Variants in KCNN2 observed in about 807,000 individuals in gnomAD.
The protein encoded by KCNN2 is potassium calcium-activated channel subfamily N member 2.
A neutral mutation model predicts 55.5 loss-of-function variants in KCNN2; 24 were observed. The ratio of observed to expected loss-of-function variants is 0.43; its 90% CI spans 0.31 to 0.61. The LOEUF is 0.61. KCNN2 is among the 20% of genes least tolerant of loss of function. The pLI, the probability that KCNN2 is intolerant of heterozygous loss-of-function variation, is 0.08. For synonymous variants in KCNN2, 431 were observed against 336.1 expected (o/e 1.28, Z -3.09); for missense variants, 754 against 853.6 (o/e 0.88, Z 1.45).
intron 2 of KCNN2, among the ~76,000 whole-genome samples, chr5:114,281,212 A>G (rs1454475466): frequency 1.3e-5 from 2 of 152,184 alleles, no homozygotes; most frequent in African/African-American, 4.8e-5. Context: ...TGTTTCTGCC[A>G]TTAAAATGTG....
intron 2 of KCNN2, among the ~76,000 whole-genome samples, chr5:114,333,367 TG>T (rs1305813834): frequency 2.0e-5 from 3 of 152,226 alleles, no homozygotes; most frequent in Admixed American, 2.0e-4. Flanking sequence ...CATTCTGCCG[TG>T]TTCTCTCTTA....
chr5:114,233,923 T>C (rs1174095189), intron 2 of KCNN2, among the ~76,000 whole-genome samples: 1 of 152,166 alleles, frequency 6.6e-6, no homozygotes, highest in Non-Finnish European at 1.5e-5. Context: ...AGTTCTGAGA[T>C]GACACTTGAG....
chr5:114,349,726 T>C (rs1172133675), intron 2 of KCNN2, among the ~76,000 whole-genome samples: 1 of 152,016 alleles, frequency 6.6e-6, no homozygotes, highest in Non-Finnish European at 1.5e-5. Context: ...CATGTAAAAG[T>C]TTTTGTATGG....
chr5:114,219,137 C>T (rs886944722), intron 1 of KCNN2, among the ~76,000 whole-genome samples: 5 of 152,226 alleles, frequency 3.3e-5, no homozygotes, highest in Non-Finnish European at 1.5e-5. Context: ...CCTGCAGCAG[C>T]ATCCAGGCAG....
rs111935471 is a variant in KCNN2 at position 114,212,551 on chromosome 5, A to T, written c.-270-8929A>T. On this transcript the variant is annotated intron_variant, in intron 1 of 10. Coordinates refer to the KCNN2 transcript ENST00000512097. The stretch of plus-strand genomic sequence containing the variant: ...TTATATATCAATAAAGCTGTTATAA[A>T]AAGTTTTTAATAAAAAGAAAATATG... Among the ~76,000 whole-genome samples the T allele has an allele frequency of 5.4e-3, 818 of 152,194 alleles. 5 individuals carry two copies. Among genetic ancestry groups the T allele is most frequent in the African/African-American group, 0.019 (775 of 41,556 alleles).
intron 3 of KCNN2, among the ~76,000 whole-genome samples, chr5:114,416,151 G>T (rs1288001851): frequency 3.3e-5 from 5 of 152,202 alleles, no homozygotes; most frequent in Non-Finnish European, 7.4e-5. Flanking sequence ...GCGTTGCTTT[G>T]ATGGTTGTAG....
chr5:114,111,663 C>T (rs1751600634), intron 1 of KCNN2, among the ~76,000 whole-genome samples: 1 of 152,070 alleles, frequency 6.6e-6, no homozygotes, highest in Admixed American at 6.5e-5. Flanking sequence ...AAAAAGTGGG[C>T]AAAGGATATG....
intron 1 of KCNN2, among the ~76,000 whole-genome samples, chr5:114,090,145 C>T (rs771418354): frequency 2.6e-5 from 4 of 152,054 alleles, no homozygotes; most frequent in Admixed American, 6.6e-5. Flanking sequence ...CAAAGGCAAT[C>T]GTATGGATTT....
At chr5:114,093,219 C>G (rs1005313149) in intron 1 of KCNN2, among the ~76,000 whole-genome samples, 1 of 152,230 alleles carries the variant, frequency 6.6e-6, no homozygotes, top group African/African-American at 2.4e-5. Context: ...CCACCAGTCT[C>G]TTTACTAAAG....
intron 1 of KCNN2, among the ~76,000 whole-genome samples, chr5:114,163,302 C>T (rs932356518): frequency 6.6e-6 from 1 of 152,116 alleles, no homozygotes; most frequent in African/African-American, 2.4e-5. Context: ...TGCCTGATTG[C>T]CCTGGCCGGA....
intron 3 of KCNN2, among the ~76,000 whole-genome samples, chr5:114,425,201 C>T (rs1355073915): frequency 6.6e-6 from 1 of 152,202 alleles, no homozygotes; most frequent in Non-Finnish European, 1.5e-5. Flanking sequence ...GCTTAACTAT[C>T]ATGCTTTTAA....
intron 2 of KCNN2, among the ~76,000 whole-genome samples, chr5:114,276,604 G>C (rs997506651): frequency 6.7e-6 from 1 of 149,896 alleles, no homozygotes; most frequent in East Asian, 1.9e-4. Context: ...TGTCTCTTTC[G>C]ATCTTTGTTG....
intron 2 of KCNN2, among the ~76,000 whole-genome samples, chr5:114,339,344 T>TGG (rs1401396581): frequency 6.6e-6 from 1 of 152,192 alleles, no homozygotes; most frequent in Non-Finnish European, 1.5e-5. Flanking sequence ...TTTCAGTTTC[T>TGG]CATGGTTCTG....
chr5:114,430,603 T>C (rs909058299), intron 3 of KCNN2, among the ~76,000 whole-genome samples: 1 of 152,120 alleles, frequency 6.6e-6, no homozygotes, highest in African/African-American at 2.4e-5. Context: ...TTGTCTTTAT[T>C]AGCTAGAACT....
chr5:114,431,888 C>T, intron 3 of KCNN2, among the ~76,000 whole-genome samples: 1 of 151,960 alleles, frequency 6.6e-6, no homozygotes, highest in East Asian at 1.9e-4. Context: ...TGAGATTTTC[C>T]AGTTATCTTT....
chr5:114,314,844 T>C (rs1230943000), intron 2 of KCNN2, among the ~76,000 whole-genome samples: 2 of 152,114 alleles, frequency 1.3e-5, no homozygotes, highest in African/African-American at 4.8e-5. Context: ...AAACAATAAA[T>C]TGCTACATGG....
chr5:114,398,099 T>G (rs1348476981), intron 2 of KCNN2, among the ~76,000 whole-genome samples: 1 of 152,242 alleles, frequency 6.6e-6, no homozygotes, highest in Non-Finnish European at 1.5e-5. Flanking sequence ...ATGAAATCTT[T>G]TCTAGGTCGT....
chr5:114,404,401 G>T (rs751482379), intron 2 of KCNN2, 37 bp from the exon 3 acceptor site: 3 of 1,561,674 alleles, frequency 1.9e-6, no homozygotes, highest in Non-Finnish European at 2.6e-6. Flanking sequence ...GACCATTCAT[G>T]CCATACTGAA....
chr5:114,072,293 A>G (rs1404077760), intron 1 of KCNN2, among the ~76,000 whole-genome samples: 152 of 148,552 alleles, frequency 1.0e-3, no homozygotes, highest in African/African-American at 1.5e-3. Context: ...ACTCCATCTA[A>G]AAAAAAAAAA....
Sources: gnomAD v4.1 joint callset for allele counts (sites outside exome capture counted in the v4.1 genomes callset) on GRCh38, gnomAD v4.1.1 for gene constraint, MANE v1.5 for transcripts, NCBI Gene and HGNC (gene_info 2026-07-23, HGNC 2026-07-21) for gene names.